Variants in ERC1 observed in about 807,000 individuals in gnomAD.
ERC1 encodes the protein RAB6 interacting protein 2.
In ERC1, 56 loss-of-function variants were observed where a neutral mutation model predicts 132.0. The observed-to-expected ratio is 0.42, with a 90% CI of 0.34 to 0.53. The LOEUF (loss-of-function observed/expected upper bound fraction) is 0.53, where lower values mean the gene tolerates loss of function less well. Among genes scored for constraint, ERC1 ranks in the 20% least tolerant of loss-of-function variants. ERC1 has a pLI of 0.03. For missense variants in ERC1, 1,202 were observed against 1,349.9 expected (o/e 0.89, Z 1.72); for synonymous variants, 478 against 476.1 (o/e 1.00, Z -0.05).
chr12:1,028,628 AGCC>A, intron 2 of ERC1, 56 bp downstream of exon 2: 1 of 1,390,318 alleles, frequency 7.2e-7, no homozygotes, highest in South Asian at 1.3e-5. Flanking sequence ...TAAATGAAAT[AGCC>A]TTTTTTTCCC....
intron 13 of ERC1, among the ~76,000 whole-genome samples, chr12:1,260,950 T>G (rs1173575868): frequency 6.6e-6 from 1 of 152,222 alleles, no homozygotes; most frequent in Non-Finnish European, 1.5e-5. Context: ...TCCAGAAATC[T>G]TTTTTAAATA....
intron 15 of ERC1, among the ~76,000 whole-genome samples, chr12:1,345,187 C>CTTCTTTTTTTTTTT (rs1555368776): frequency 7.6e-6 from 1 of 131,494 alleles, no homozygotes; most frequent in African/African-American, 3.0e-5. Flanking sequence ...AATATTTCTT[C>CTTCTTTTTTTTTTT]TTTTTTTTTT....
rs956239856 is a variant in ERC1 at position 1,475,352 on chromosome 12, T to A, written c.3214-14741T>A. On this transcript the variant is annotated intron_variant, in intron 18 of 18. Transcript: ENST00000360905. ...TTGTCTGCTACGTGCAGGCCTTTTG[T>A]TACGAGGCAATATTGGTATACAAAA... Among the ~76,000 whole-genome samples the A allele has an allele frequency of 5.9e-5, 9 of 152,314 alleles. No individual in the cohort carries two copies. The East Asian group carries it at 1.5e-3, about 26-fold the overall frequency.
At chr12:1,315,798 A>C (rs191613783) in intron 15 of ERC1, among the ~76,000 whole-genome samples, 4 of 152,364 alleles carry the variant, frequency 2.6e-5, no homozygotes, top group African/African-American at 9.6e-5. Context: ...AGTTCATAGA[A>C]AGACAGTGAA....
intron 12 of ERC1, among the ~76,000 whole-genome samples, chr12:1,217,225 T>C (rs1156333571): frequency 1.3e-5 from 2 of 152,196 alleles, no homozygotes; most frequent in African/African-American, 2.4e-5. Flanking sequence ...AGGCAGGGTT[T>C]TCTTTGGTTT....
intron 1 of ERC1, among the ~76,000 whole-genome samples, chr12:992,193 C>A (rs947697826): frequency 1.3e-5 from 2 of 152,148 alleles, no homozygotes; most frequent in Non-Finnish European, 2.9e-5. Context: ...TAAAAGATCT[C>A]TTTATACCAC....
rs578218270 is a variant in ERC1 at position 1,492,171 on chromosome 12, C to T, written c.*1941C>T. On this transcript the variant is annotated 3_prime_UTR_variant, in exon 19 of 19. Transcript: ENST00000360905. ...CTTATCGAAGGTTAAATGGACTCTGCTCATAAACCTCTTACTGAGATGCTT... is the reference window on the plus strand; with the variant it reads ...CTTATCGAAGGTTAAATGGACTCTGTTCATAAACCTCTTACTGAGATGCTT... 36 of 232,966 alleles carry T rather than the reference C, an allele frequency of 1.5e-4. No homozygotes were observed. The highest frequency in any genetic ancestry group is 6.6e-4 in the African/African-American group (30 of 45,452). 14.4% of individuals were successfully genotyped at this position (232,966 alleles called of 1,614,324 possible).
At chr12:1,410,532 C>G (rs889108587) in intron 17 of ERC1, 5 of 479,064 alleles carry the variant, frequency 1.0e-5, no homozygotes, top group Admixed American at 3.2e-5. Flanking sequence ...ACTCTCACAT[C>G]TCATTTCTCT....
intron 2 of ERC1, among the ~76,000 whole-genome samples, chr12:1,046,923 A>G: frequency 6.6e-6 from 1 of 152,200 alleles, no homozygotes; most frequent in East Asian, 1.9e-4. Flanking sequence ...CACCCTTCAC[A>G]TTTGCCGTAG....
At chr12:1,221,040 T>C (rs2154295285) in intron 12 of ERC1, among the ~76,000 whole-genome samples, 1 of 152,336 alleles carries the variant, frequency 6.6e-6, no homozygotes, top group Admixed American at 6.5e-5. Context: ...TTATCTCCTT[T>C]CTTCTTTTAT....
intron 8 of ERC1, among the ~76,000 whole-genome samples, chr12:1,167,526 A>G (rs991202310): frequency 6.6e-5 from 10 of 152,162 alleles, no homozygotes; most frequent in African/African-American, 1.7e-4. Flanking sequence ...TAACCAGAAA[A>G]TAGCTTCAAG....
rs780607526 is a variant in ERC1 at position 1,110,340 on chromosome 12, A to G, written c.1310A>G (p.Lys437Arg). The G allele has an allele frequency of 1.9e-6, 3 of 1,601,646 alleles. No individual in the cohort carries two copies. The highest frequency in any genetic ancestry group is 2.6e-6 in the Non-Finnish European group (3 of 1,175,916). ...TATCGGAGCCATTCTAAATTTATGAAAAATAAGGTAATGGCATGTGAGACT... is the reference window on the plus strand; with the variant it reads ...TATCGGAGCCATTCTAAATTTATGAGAAATAAGGTAATGGCATGTGAGACT... ...EVYRSHSKFM[K>R]NKVEQLKEEL... Residue 437 changes from lysine (K) to arginine (R), a missense_variant, in exon 5 of 19, where the codon AAA (lysine) becomes AGA (arginine). Lys to Arg is a conservative substitution (Grantham distance 26). Coordinates refer to ENST00000360905, the MANE Select transcript of ERC1 (RefSeq NM_178040.4).
At chr12:1,117,575 C>T (rs1263634946) in intron 7 of ERC1, among the ~76,000 whole-genome samples, 1 of 152,140 alleles carries the variant, frequency 6.6e-6, no homozygotes, top group Non-Finnish European at 1.5e-5. Context: ...CTATGAGTCG[C>T]GTGATCCTGG....
chr12:1,363,779 C>T (rs868718661), intron 15 of ERC1, among the ~76,000 whole-genome samples: 3 of 152,066 alleles, frequency 2.0e-5, no homozygotes, highest in Non-Finnish European at 4.4e-5. Context: ...TGGGCTCGAA[C>T]TCCTGGGCTC....
At chr12:1,064,117 C>A (rs541129072) in intron 2 of ERC1, among the ~76,000 whole-genome samples, 1 of 152,262 alleles carries the variant, frequency 6.6e-6, no homozygotes, top group South Asian at 2.1e-4. Flanking sequence ...TATATCATTT[C>A]ATTCTCTCCT....
At chr12:1,180,253 ATGTGTGTG>A (rs3216970) in intron 8 of ERC1, among the ~76,000 whole-genome samples, 60 of 146,700 alleles carry the variant, frequency 4.1e-4, no homozygotes, top group African/African-American at 7.7e-4. Flanking sequence ...TTTGTTAGGG[ATGTGTGTG>A]TGTGTGTGTG....
intron 1 of ERC1, among the ~76,000 whole-genome samples, chr12:1,025,789 G>A (rs150339968): frequency 0.091 from 13,557 of 149,498 alleles, 749 homozygotes; most frequent in South Asian, 0.18. Flanking sequence ...AATTTAAAAA[G>A]GAAAGTTTTT....
chr12:1,328,985 T>TAA lies in ERC1; in HGVS notation c.2780+38990_2780+38991dup, dbSNP rs113967541. Among the ~76,000 whole-genome samples the TAA allele has an allele frequency of 3.6e-3, 309 of 86,768 alleles. 16 individuals carry two copies. In the East Asian group the frequency reaches 0.069, roughly 19 times the overall value. The allele number at this position is 86,768 out of a possible 152,430, so 56.9% of individuals were successfully genotyped here. ...AAATAAATGTCTATTTAAAAGTTAC[T>TAA]AAAAAAAAAAAAAAAAAAGCCTTAG... is the stretch of plus-strand genomic sequence containing the variant. On this transcript the variant is annotated intron_variant, in intron 15 of 18. Coordinates refer to ENST00000360905, the MANE Select transcript of ERC1 (RefSeq NM_178040.4).
intron 1 of ERC1, among the ~76,000 whole-genome samples, chr12:1,005,834 A>G (rs149353098): frequency 6.6e-6 from 1 of 152,288 alleles, no homozygotes; most frequent in Admixed American, 6.5e-5. Flanking sequence ...TATATTTTAA[A>G]TCATCAATCA....
Sources: gnomAD v4.1 joint callset for allele counts (sites outside exome capture counted in the v4.1 genomes callset) on GRCh38, gnomAD v4.1.1 for gene constraint, MANE v1.5 for transcripts, NCBI Gene and HGNC (gene_info 2026-07-23, HGNC 2026-07-21) for gene names.